ZNF248: variants seen among roughly 807,000 people sequenced by gnomAD.
ZNF248 encodes the protein KRAB protein domain.
In ZNF248, 20 loss-of-function variants were observed where a neutral mutation model predicts 44.3. The observed-to-expected ratio is 0.45, with a 90% CI of 0.32 to 0.66. The LOEUF (loss-of-function observed/expected upper bound fraction) is 0.66, where lower values mean the gene tolerates loss of function less well. Among genes scored for constraint, ZNF248 ranks in the 30% least tolerant of loss-of-function variants. The pLI, the probability that ZNF248 is intolerant of heterozygous loss-of-function variation, is 0.04. For synonymous variants in ZNF248, 224 were observed against 229.0 expected (o/e 0.98, Z 0.20); for missense variants, 654 against 677.0 (o/e 0.97, Z 0.38).
chr10:37,823,727 C>T (rs939916686), intron 6 of ZNF248, among the ~76,000 whole-genome samples: 2 of 151,948 alleles, frequency 1.3e-5, no homozygotes, highest in African/African-American at 4.8e-5. Flanking sequence ...GCACATGCCA[C>T]CATGCCTGGC....
At chr10:37,847,457 A>T (rs564002103) in intron 3 of ZNF248, among the ~76,000 whole-genome samples, 4 of 152,320 alleles carry the variant, frequency 2.6e-5, no homozygotes, top group Non-Finnish European at 5.9e-5. Context: ...TCTTAGCATG[A>T]TAATTGTATT....
intron 6 of ZNF248, among the ~76,000 whole-genome samples, chr10:37,799,431 C>T (rs745623338): frequency 4.6e-5 from 7 of 152,084 alleles, no homozygotes; most frequent in Non-Finnish European, 8.8e-5. Flanking sequence ...TGATTGCGCA[C>T]GCCTGTAGTC....
chr10:37,765,139 T>C, the ZNF248 span, among the ~76,000 whole-genome samples: 1 of 152,036 alleles, frequency 6.6e-6, no homozygotes, highest in Non-Finnish European at 1.5e-5. Flanking sequence ...TTATTTTTAG[T>C]AGAGACAGGG....
chr10:37,832,156 C>A lies in ZNF248; in HGVS notation c.1199G>T (p.Arg400Ile). ...WEKSNLTQHQ[R>I]THTGEKPYEC... Reference sequence around the variant, plus strand: ...ATAGGGCTTCTCTCCTGTGTGTGTTCTCTGATGTTGAGTGAGGTTTGACTT... The same window carrying A: ...ATAGGGCTTCTCTCCTGTGTGTGTTATCTGATGTTGAGTGAGGTTTGACTT... Residue 400 changes from arginine (R) to isoleucine (I), a missense_variant, in exon 6 of 6, where the codon AGA (arginine) becomes ATA (isoleucine). By Grantham distance (97) the Arg-to-Ile change is moderately conservative (BLOSUM62 -3). Transcript: ENST00000395867. 6.2e-7 allele frequency: 1 copy of A among 1,614,086 alleles called. No individual in the cohort carries two copies. The highest frequency in any genetic ancestry group is 8.5e-7 in the Non-Finnish European group (1 of 1,179,974).
intron 6 of ZNF248, among the ~76,000 whole-genome samples, chr10:37,818,077 G>A (rs532148537): frequency 2.4e-4 from 36 of 152,088 alleles, no homozygotes; most frequent in African/African-American, 8.4e-4. Flanking sequence ...CACCAAGCCT[G>A]GCTAATTTTT....
intron 3 of ZNF248, among the ~76,000 whole-genome samples, chr10:37,838,536 T>C (rs1163017181): frequency 1.3e-5 from 2 of 152,170 alleles, no homozygotes. Flanking sequence ...AATAATGGGA[T>C]TGAAATGAAT....
rs1194801737 is a variant in ZNF248 at position 37,830,946 on chromosome 10, C to G, written c.*669G>C. 2.5e-6 allele frequency: 1 copy of G among 402,838 alleles called. No individual in the cohort carries two copies. Among genetic ancestry groups the G allele is most frequent in the East Asian group, 1.1e-4 (1 of 9,012 alleles). The allele number at this position is 402,838 out of a possible 1,614,324, so 25.0% of individuals were successfully genotyped here. On this transcript the variant is annotated 3_prime_UTR_variant, in exon 6 of 6. Transcript: ENST00000395867. ...TTTTAATAACTGGCTCACAAAATTCCTTAAAATTTAACAATCAGAACTTTT... is the reference window on the plus strand; with the variant it reads ...TTTTAATAACTGGCTCACAAAATTCGTTAAAATTTAACAATCAGAACTTTT...
chr10:37,786,582 G>A (rs1045015940), intron 6 of ZNF248, among the ~76,000 whole-genome samples: 3 of 152,142 alleles, frequency 2.0e-5, no homozygotes, highest in African/African-American at 7.2e-5. Context: ...TAGTTTTAAT[G>A]TAATGTATGT....
chr10:37,804,452 G>T (rs1353879608), intron 6 of ZNF248, among the ~76,000 whole-genome samples: 1 of 151,338 alleles, frequency 6.6e-6, no homozygotes, highest in Non-Finnish European at 1.5e-5. Context: ...TTCTTTATTT[G>T]AGACAAGGTC....
downstream of ZNF248, among the ~76,000 whole-genome samples, chr10:37,826,647 A>T (rs2054437914): frequency 6.6e-6 from 1 of 152,154 alleles, no homozygotes; most frequent in Non-Finnish European, 1.5e-5. Flanking sequence ...AAAACTAAAA[A>T]CCATACGTAA....
At chr10:37,849,400 G>A (rs564067420) in intron 3 of ZNF248, among the ~76,000 whole-genome samples, 4 of 152,132 alleles carry the variant, frequency 2.6e-5, no homozygotes, top group South Asian at 2.1e-4. Flanking sequence ...TCAAAGAAAC[G>A]GCCGGGCACA....
chr10:37,823,805 C>T (rs2053897589), downstream of ZNF248, among the ~76,000 whole-genome samples: 1 of 151,998 alleles, frequency 6.6e-6, no homozygotes, highest in Non-Finnish European at 1.5e-5. Flanking sequence ...AACTCCTGAC[C>T]TAAGGTGATC....
At chr10:37,795,525 CAG>C (rs1233025453) in intron 6 of ZNF248, 5 of 152,054 alleles carry the variant, frequency 3.3e-5, no homozygotes, top group African/African-American at 1.2e-4. Flanking sequence ...TTTTGGCTGC[CAG>C]AGTCTGCCTT....
chr10:37,812,199 T>A lies in ZNF248; in HGVS notation c.330+20826A>T, dbSNP rs572485660. Among the ~76,000 whole-genome samples, 68 of 152,074 alleles carry A rather than the reference T, an allele frequency of 4.5e-4. 1 individual carries two copies. In the Middle Eastern group the frequency reaches 0.014, roughly 30 times the overall value. ...CTGCAGTGAGCCATGACCGCTCCAC[T>A]GCACTCCAGCCTGGGTGACAGAGCA... On this transcript the variant is annotated intron_variant, in intron 6 of 6. Coordinates refer to the ZNF248 transcript ENST00000615949.
At chr10:37,850,751 T>A (rs748300806) in intron 3 of ZNF248, among the ~76,000 whole-genome samples, 12 of 152,074 alleles carry the variant, frequency 7.9e-5, no homozygotes, top group Non-Finnish European at 1.3e-4. Context: ...CAATTGTACA[T>A]CCATAGGCAA....
chr10:37,848,792 C>A (rs2059748601), intron 3 of ZNF248, among the ~76,000 whole-genome samples: 1 of 152,128 alleles, frequency 6.6e-6, no homozygotes, highest in African/African-American at 2.4e-5. Context: ...CTTACCAATT[C>A]ATCTACAATC....
intron 3 of ZNF248, among the ~76,000 whole-genome samples, chr10:37,846,675 A>G (rs1383830191): frequency 6.6e-6 from 1 of 152,148 alleles, no homozygotes; most frequent in Non-Finnish European, 1.5e-5. Flanking sequence ...AACCGAGAGG[A>G]CAATGAGATG....
At chr10:37,765,855 T>A in the ZNF248 span, among the ~76,000 whole-genome samples, 1 of 152,220 alleles carries the variant, frequency 6.6e-6, no homozygotes, top group Non-Finnish European at 1.5e-5. Context: ...TTCCCTTTCC[T>A]AGTCAAAGAA....
rs2055473626 is a variant in ZNF248 at position 37,830,991 on chromosome 10, C to CT, written c.*623dup. The CT allele has an allele frequency of 7.0e-6, 5 of 718,944 alleles. No homozygotes were observed. The highest frequency in any genetic ancestry group is 9.5e-5 in the Admixed American group (2 of 21,072). The allele number at this position is 718,944 out of a possible 1,614,324, so 44.5% of individuals were successfully genotyped here. On this transcript the variant is annotated 3_prime_UTR_variant, in exon 6 of 6. Coordinates refer to ENST00000395867, the MANE Select transcript of ZNF248 (RefSeq NM_021045.3). ...ACTTTTAAGTCAGTATGAGGTTATA[C>CT]TAGCACATCACTATATTTAAGTATG...
Sources: gnomAD v4.1 joint callset for allele counts (sites outside exome capture counted in the v4.1 genomes callset) on GRCh38, gnomAD v4.1.1 for gene constraint, MANE v1.5 for transcripts, NCBI Gene and HGNC (gene_info 2026-07-23, HGNC 2026-07-21) for gene names.